The following CYTH3 variants were observed in gnomAD, a reference collection of about 807,000 sequenced individuals.
CYTH3 encodes the protein cytohesin 3.
CYTH3 carries 23 observed loss-of-function variants against 55.1 expected under a neutral mutation model. The ratio of observed to expected loss-of-function variants is 0.42; its 90% CI spans 0.30 to 0.59. The LOEUF is 0.59. Among genes scored for constraint, CYTH3 ranks in the 20% least tolerant of loss-of-function variants. The probability of loss-of-function intolerance (pLI) is 0.20; values close to 1 mark genes in which losing one functional copy is unlikely to be tolerated. For synonymous variants in CYTH3, 249 were observed against 194.9 expected, an observed-to-expected ratio of 1.28 and a Z score of -2.31; for missense variants, 413 against 524.8, an observed-to-expected ratio of 0.79 and a Z score of 2.08.
intron 4 of CYTH3, among the ~76,000 whole-genome samples, chr7:6,185,695 G>C (rs374266331): frequency 7.4e-6 from 1 of 134,820 alleles, no homozygotes; most frequent in African/African-American, 3.5e-5. Flanking sequence ...GTTAGACTCT[G>C]TCTCAAAAAA....
rs1029694500 is a variant in CYTH3 at position 6,169,737 on chromosome 7, C to G, written c.823+798G>C. Among the ~76,000 whole-genome samples the G allele has an allele frequency of 1.3e-5, 2 of 152,206 alleles. No homozygotes were observed. The highest frequency in any genetic ancestry group is 2.9e-5 in the Non-Finnish European group (2 of 68,046). ...GCTCCAAAGGCCTTTAGAGCACTCC[C>G]GAAATCTCTCCATGCGCTGCTGGGT... On this transcript the variant is annotated intron_variant, in intron 9 of 12. Coordinates refer to ENST00000350796, the MANE Select transcript of CYTH3 (RefSeq NM_004227.4). This position sits in a 1 kb window ranked among gnomAD's most constrained non-coding sequence, Gnocchi z 4.1.
chr7:6,165,707 C>T (rs370816256), intron 10 of CYTH3, 27 bp downstream of exon 10: 95 of 1,613,508 alleles, frequency 5.9e-5, no homozygotes, highest in African/African-American at 1.9e-4. Context: ...TGCTGGGAGG[C>T]GGCAAGGAGG....
chr7:6,187,719 C>G lies in CYTH3; in HGVS notation c.120G>C (p.Arg40Ser). ...RKKELIDDIERLKYEIAEVMT... is the reference protein window; with the variant it reads ...RKKELIDDIESLKYEIAEVMT... ...TCACCTCTGCAATTTCATATTTCAG[C>G]CTCTGTCAAAAAAGAAGAATTTCGA... Residue 40 changes from arginine (R) to serine (S), a missense_variant and splice_region_variant, in exon 3 of 13, where the codon AGG (arginine) becomes AGC (serine). Physicochemically the swap from Arg to Ser is moderately radical, Grantham distance 110. Transcript: ENST00000350796. The G allele has an allele frequency of 3.1e-6, 5 of 1,614,018 alleles. No homozygotes were observed. Among genetic ancestry groups the G allele is most frequent in the South Asian group, 1.1e-5 (1 of 91,074 alleles).
intron 1 of CYTH3, among the ~76,000 whole-genome samples, chr7:6,260,199 T>C (rs549774243): frequency 1.3e-5 from 2 of 152,118 alleles, no homozygotes; most frequent in African/African-American, 4.8e-5. Flanking sequence ...TCATTTCATT[T>C]CAAAAGTTTC....
Position 6,162,806 on chromosome 7 carries a change from C to T in CYTH3, c.*2138G>A, listed in dbSNP as rs2128534107. 1 of 152,712 alleles carries T rather than the reference C, an allele frequency of 6.5e-6. No individual in the cohort carries two copies. Among genetic ancestry groups the T allele is most frequent in the South Asian group, 2.1e-4 (1 of 4,832 alleles). 9.5% of individuals were successfully genotyped at this position (152,712 alleles called of 1,614,324 possible). On this transcript the variant is annotated 3_prime_UTR_variant, in exon 13 of 13. Coordinates refer to ENST00000350796, the MANE Select transcript of CYTH3 (RefSeq NM_004227.4). Reference sequence around the variant, plus strand: ...TTCTCCCAACACCCAAAACAGAAAGCTCTGCATCCCCAGGTCACACCTGGG... The same window carrying T: ...TTCTCCCAACACCCAAAACAGAAAGTTCTGCATCCCCAGGTCACACCTGGG...
chr7:6,239,031 T>C (rs1356321358), intron 1 of CYTH3, among the ~76,000 whole-genome samples: 1 of 152,016 alleles, frequency 6.6e-6, no homozygotes, highest in Non-Finnish European at 1.5e-5. Flanking sequence ...CTGGCCAACA[T>C]GGCAAAACCC....
At chr7:6,244,998 T>TG (rs1779771012) in intron 1 of CYTH3, among the ~76,000 whole-genome samples, 1 of 131,750 alleles carries the variant, frequency 7.6e-6, no homozygotes, top group Non-Finnish European at 1.6e-5. Flanking sequence ...TTTTTTGTAT[T>TG]TTTAGTAGAG....
intron 4 of CYTH3, among the ~76,000 whole-genome samples, chr7:6,182,021 T>C (rs1783515759): frequency 6.6e-6 from 1 of 152,122 alleles, no homozygotes; most frequent in African/African-American, 2.4e-5. Flanking sequence ...TTTCCTCCTA[T>C]TGTTTTTTTG....
Position 6,171,322 on chromosome 7 carries a change from G to A in CYTH3, c.450-8C>T. On this transcript the variant is annotated splice_polypyrimidine_tract_variant and splice_region_variant and intron_variant, in intron 6 of 12. Transcript: ENST00000350796. This position sits in a 1 kb window ranked among gnomAD's most constrained non-coding sequence, Gnocchi z 6.7. ...AAGCTCCATAAGAACTGCCTGTGGA[G>A]ACACCAAAGCCATGGGAAGCCGCAT... 1.9e-6 allele frequency: 3 copies of A among 1,613,770 alleles called. No homozygotes were observed. The highest frequency in any genetic ancestry group is 2.5e-6 in the Non-Finnish European group (3 of 1,179,724).
intron 1 of CYTH3, among the ~76,000 whole-genome samples, chr7:6,219,641 T>C (rs950308228): frequency 1.2e-4 from 19 of 152,110 alleles, no homozygotes; most frequent in African/African-American, 4.3e-4. Context: ...ACCGCACAGG[T>C]AAGATCTATG....
intron 5 of CYTH3, among the ~76,000 whole-genome samples, chr7:6,176,303 C>T (rs1783349050): frequency 7.0e-6 from 1 of 142,946 alleles, no homozygotes; most frequent in South Asian, 2.2e-4. Context: ...ACTCTGTAGC[C>T]CAGGCTGGAG....
In CYTH3 at chr7:6,190,436, T is replaced by C. The variant is rs79001282; in HGVS notation, c.117+13A>G. 5,991 of 1,483,586 alleles carry C rather than the reference T, an allele frequency of 4.0e-3. 170 individuals carry two copies. The African/African-American group carries it at 0.077, about 19-fold the overall frequency. The allele number at this position is 1,483,586 out of a possible 1,614,324, so 91.9% of individuals were successfully genotyped here. A position where few individuals can be genotyped will look rare whatever the true frequency, so the allele number is the denominator to read the frequency against. On this transcript the variant is annotated intron_variant, in intron 2 of 12. Transcript: ENST00000350796. ...AGAGTTTTGGATTTTTGGTTTTTTT[T>C]TTTTTTTTTTACCTCAATGTCATCA... is the stretch of plus-strand genomic sequence containing the variant.
At position 6,169,806 on chromosome 7, in the gene CYTH3, T is replaced by G. The variant is rs932090567; in HGVS notation, c.823+729A>C. Among the ~76,000 whole-genome samples the G allele has an allele frequency of 1.2e-4, 18 of 152,136 alleles. No individual in the cohort carries two copies. The highest frequency in any genetic ancestry group is 2.1e-4 in the Non-Finnish European group (14 of 68,004). On this transcript the variant is annotated intron_variant, in intron 9 of 12. Coordinates refer to ENST00000350796, the MANE Select transcript of CYTH3 (RefSeq NM_004227.4). The surrounding 1 kb of genome is among the most constrained non-coding windows in gnomAD (Gnocchi z 4.1). ...GACGCCGCAGGGACAGGGCTGGCTGTCTGCTTCTCTACTGCTGCGGACCCC... is the reference window on the plus strand; with the variant it reads ...GACGCCGCAGGGACAGGGCTGGCTGGCTGCTTCTCTACTGCTGCGGACCCC...
intron 1 of CYTH3, among the ~76,000 whole-genome samples, chr7:6,204,770 G>C (rs1352185328): frequency 6.6e-6 from 1 of 152,200 alleles, no homozygotes; most frequent in Non-Finnish European, 1.5e-5. Flanking sequence ...AAAATACTTA[G>C]AGTGCTCTAT....
At chr7:6,201,605 A>C (rs1784060091) in intron 1 of CYTH3, among the ~76,000 whole-genome samples, 1 of 152,362 alleles carries the variant, frequency 6.6e-6, no homozygotes, top group East Asian at 1.9e-4. Context: ...GAAAATGATG[A>C]GCACTGGTTT....
intron 1 of CYTH3, among the ~76,000 whole-genome samples, chr7:6,234,730 G>T (rs145173421): frequency 6.6e-6 from 1 of 152,166 alleles, no homozygotes; most frequent in Non-Finnish European, 1.5e-5. Flanking sequence ...CTCCCACCGC[G>T]TGGCAGGGCT....
intron 1 of CYTH3, among the ~76,000 whole-genome samples, chr7:6,217,659 A>G (rs956628633): frequency 6.6e-6 from 1 of 152,202 alleles, no homozygotes; most frequent in East Asian, 1.9e-4. Flanking sequence ...ATCAGCAAGT[A>G]TAGAGAAGAA....
chr7:6,268,254 A>C (rs951832326), intron 1 of CYTH3, among the ~76,000 whole-genome samples: 15 of 151,874 alleles, frequency 9.9e-5, no homozygotes, highest in African/African-American at 3.6e-4. Context: ...CGCAACCTGC[A>C]CCTCCCAGGC....
intron 1 of CYTH3, among the ~76,000 whole-genome samples, chr7:6,254,175 C>T (rs552784861): frequency 5.3e-5 from 8 of 152,100 alleles, no homozygotes; most frequent in African/African-American, 1.7e-4. Context: ...CAGAGCAAGA[C>T]TCCACCTCAA....
Sources: allele counts gnomAD v4.1 joint callset (sites outside exome capture counted in the v4.1 genomes callset), GRCh38; gene constraint gnomAD v4.1.1; non-coding constraint Gnocchi (gnomAD v3.1); transcripts MANE v1.5; gene names NCBI Gene and HGNC (gene_info 2026-07-23, HGNC 2026-07-21).